COMT: variants seen among roughly 807,000 people sequenced by gnomAD.
COMT encodes catechol-O-methyltransferase.
In COMT, 13 loss-of-function variants were observed where a neutral mutation model predicts 18.9. That is an observed-to-expected ratio of 0.69 (90% CI 0.45 to 1.09). The LOEUF (loss-of-function observed/expected upper bound fraction) is 1.09, where lower values mean the gene tolerates loss of function less well. Among genes scored for constraint, COMT ranks in the 50% least tolerant of loss-of-function variants. COMT has a pLI of 0.00. For missense variants in COMT, 329 were observed against 361.8 expected (o/e 0.91, Z 0.73); for synonymous variants, 150 against 160.9 (o/e 0.93, Z 0.51).
chr22:19,958,589 A>G (rs1002879550), intron 1 of COMT, among the ~76,000 whole-genome samples: 103 of 151,180 alleles, frequency 6.8e-4, no homozygotes, highest in Non-Finnish European at 1.2e-3. Context: ...AAAAAAAAAA[A>G]AAAAAAGCCA....
chr22:19,942,061 G>T, intron 1 of COMT, 164 bp downstream of exon 1: 1 of 389,418 alleles, frequency 2.6e-6, no homozygotes, highest in Non-Finnish European at 4.5e-6. Flanking sequence ...ATCTGGATGG[G>T]AACTGGGGAA....
intron 1 of COMT, among the ~76,000 whole-genome samples, chr22:19,942,537 G>A (rs1171400160): frequency 6.6e-6 from 1 of 152,254 alleles, no homozygotes; most frequent in Admixed American, 6.5e-5. Context: ...TTAGAGAAAG[G>A]GGAAGTCACT....
intron 2 of COMT, chr22:19,962,315 C>T (rs1216237841): frequency 2.6e-6 from 2 of 755,346 alleles, no homozygotes; most frequent in South Asian, 3.5e-5. Flanking sequence ...CAGAGGCACA[C>T]ACCTGCTCTG....
chr22:19,950,392 A>C (rs1307589787), intron 1 of COMT, among the ~76,000 whole-genome samples: 1 of 151,622 alleles, frequency 6.6e-6, no homozygotes, highest in African/African-American at 2.4e-5. Context: ...CCTATTTTAT[A>C]TTTTTATCTG....
chr22:19,951,337 C>T (rs113400134), intron 1 of COMT, among the ~76,000 whole-genome samples: 1,479 of 120,602 alleles, frequency 0.012, 33 homozygotes, highest in African/African-American at 0.043. Context: ...CCAGCCTGGG[C>T]GACAGAGCAA....
intron 1 of COMT, among the ~76,000 whole-genome samples, chr22:19,947,151 GGTGACCTGCCCAC>G (rs2146129945): frequency 6.6e-6 from 1 of 152,050 alleles, no homozygotes; most frequent in Admixed American, 6.6e-5. Context: ...CCTGACCCCA[GGTGACCTGCCCAC>G]CTTGGCCTTC....
intron 1 of COMT, among the ~76,000 whole-genome samples, chr22:19,953,112 G>C (rs1941984530): frequency 6.6e-6 from 1 of 152,142 alleles, no homozygotes; most frequent in East Asian, 1.9e-4. Flanking sequence ...AGTGTGATGG[G>C]GGAGTCTTTG....
At chr22:19,964,087 C>CA (rs774711987) in intron 4 of COMT, 81 bp from the exon 5 acceptor site, 2 of 1,611,958 alleles carry the variant, frequency 1.2e-6, no homozygotes, top group Admixed American at 3.3e-5. Flanking sequence ...TGGGCGTGGG[C>CA]ACTGACAGGC....
rs1279248817 is a variant in COMT, at chr22:19,969,784, G to C, written c.*1048G>C. 12 of 958,058 alleles carry C rather than the reference G, an allele frequency of 1.3e-5. No individual in the cohort carries two copies. In the Admixed American group the frequency reaches 7.4e-4, roughly 59 times the overall value. The allele number at this position is 958,058 out of a possible 1,614,324, so 59.3% of individuals were successfully genotyped here. On this transcript the variant is annotated 3_prime_UTR_variant, in exon 6 of 6. Coordinates refer to ENST00000361682, the MANE Select transcript of COMT (RefSeq NM_000754.4). ...AACAGAGCCTCTGCAGGACACAGCA[G>C]ATGGGCACCTGGGACCACCTCCACC...
At chr22:19,957,480 C>T (rs538969067) in intron 1 of COMT, among the ~76,000 whole-genome samples, 1 of 152,338 alleles carries the variant, frequency 6.6e-6, no homozygotes, top group South Asian at 2.1e-4. Context: ...AGAGAGAATA[C>T]TGACCAGGTG....
At chr22:19,957,240 G>A (rs1316053144) in intron 1 of COMT, among the ~76,000 whole-genome samples, 2 of 152,110 alleles carry the variant, frequency 1.3e-5, no homozygotes, top group Non-Finnish European at 1.5e-5. Flanking sequence ...ATGAGCCACC[G>A]CGCCCGGCCA....
At chr22:19,967,390 GA>G in intron 5 of COMT, 1 of 470,330 alleles carries the variant, frequency 2.1e-6, no homozygotes, top group Non-Finnish European at 4.2e-6. Context: ...ACATTGCTAG[GA>G]CATTTTTTTT....
intron 5 of COMT, among the ~76,000 whole-genome samples, chr22:19,965,871 C>T (rs968356009): frequency 2.6e-5 from 4 of 152,054 alleles, no homozygotes; most frequent in Non-Finnish European, 4.4e-5. Context: ...TGGAGGGGGG[C>T]TCACCCCTGA....
intron 1 of COMT, among the ~76,000 whole-genome samples, chr22:19,956,137 CTTTTTTTT>C (rs71186638): frequency 8.3e-5 from 7 of 84,820 alleles, no homozygotes; most frequent in African/African-American, 1.5e-4. Context: ...TTCTTTTTTT[CTTTTTTTT>C]TTTTTTTTTT....
intron 5 of COMT, chr22:19,967,134 CCCT>C: frequency 7.7e-7 from 1 of 1,293,776 alleles, no homozygotes; most frequent in Non-Finnish European, 1.0e-6. Context: ...TTCTGCCCTT[CCCT>C]CCTTCTTTCC....
chr22:19,962,958 C>T, intron 3 of COMT, 143 bp downstream of exon 3: 1 of 1,091,470 alleles, frequency 9.2e-7, no homozygotes, highest in Middle Eastern at 3.1e-4. Context: ...TGGGGGGCTC[C>T]TCTGGAGTCC....
At chr22:19,950,657 C>T (rs924326085) in intron 1 of COMT, among the ~76,000 whole-genome samples, 7 of 151,882 alleles carry the variant, frequency 4.6e-5, no homozygotes, top group East Asian at 1.9e-4. Context: ...AGGCCTGCAG[C>T]GGGGATCCAC....
chr22:19,959,946 C>T (rs174695), intron 1 of COMT, among the ~76,000 whole-genome samples: 57,304 of 152,114 alleles, frequency 0.38, 11,609 homozygotes, highest in Non-Finnish European at 0.46. Flanking sequence ...TGGGTGCCTC[C>T]TTGCACCAGC....
At chr22:19,952,298 C>T (rs1185959218) in intron 1 of COMT, among the ~76,000 whole-genome samples, 2 of 150,060 alleles carry the variant, frequency 1.3e-5, no homozygotes, top group South Asian at 2.1e-4. Flanking sequence ...GAGGTGATCA[C>T]GCCACTGCAC....
Sources: gnomAD v4.1 joint callset for allele counts (sites outside exome capture counted in the v4.1 genomes callset) on GRCh38, gnomAD v4.1.1 for gene constraint, MANE v1.5 for transcripts, NCBI Gene and HGNC (gene_info 2026-07-23, HGNC 2026-07-21) for gene names.